GLDC: variants seen among roughly 807,000 people sequenced by gnomAD.
GLDC encodes glycine dehydrogenase (decarboxylating), mitochondrial.
Under a neutral mutation model 121.3 loss-of-function variants are expected in GLDC, and 104 were observed. That is an observed-to-expected ratio of 0.86 (90% confidence interval 0.73 to 1.01). The LOEUF is 1.01. Among genes scored for constraint, GLDC ranks in the 50% least tolerant of loss-of-function variants. GLDC has a pLI of 0.00. For synonymous variants in GLDC, 546 were observed against 480.6 expected, an observed-to-expected ratio of 1.14 and a Z score of -1.78; for missense variants, 1,429 against 1,306.6, an observed-to-expected ratio of 1.09 and a Z score of -1.44.
Position 6,555,264 on chromosome 9 carries a change from T to C in GLDC, c.2203-483A>G, listed in dbSNP as rs374451230. 9.2e-5 allele frequency among the ~76,000 whole-genome samples: 14 copies of C among 152,260 alleles called. No individual in the cohort carries two copies. The East Asian group carries it at 2.7e-3, about 29-fold the overall frequency. On this transcript the variant is annotated intron_variant, in intron 18 of 24. Coordinates refer to ENST00000321612, the MANE Select transcript of GLDC (RefSeq NM_000170.3). ...GGGGGCACCAGGGAGGAGGCTGAACTGAGAGAGGGAAGGCAAGGCTCGCAG... is the reference window on the plus strand; with the variant it reads ...GGGGGCACCAGGGAGGAGGCTGAACCGAGAGAGGGAAGGCAAGGCTCGCAG...
intron 2 of GLDC, chr9:6,639,610 A>T: frequency 1.4e-6 from 1 of 710,656 alleles, no homozygotes; most frequent in Admixed American, 1.8e-5. Context: ...GGGATCATCT[A>T]AACTGAGTCC....
At chr9:6,536,790 TAAC>T (rs1160858753) in intron 22 of GLDC, among the ~76,000 whole-genome samples, 1 of 152,170 alleles carries the variant, frequency 6.6e-6, no homozygotes, top group African/African-American at 2.4e-5. Flanking sequence ...AATAATGAGA[TAAC>T]AAGTGTTAAA....
At chr9:6,594,985 C>G in intron 9 of GLDC, 29 bp downstream of exon 9, 1 of 1,294,752 alleles carries the variant, frequency 7.7e-7, no homozygotes, top group African/African-American at 1.5e-5. Flanking sequence ...TTATTATGCC[C>G]AAATGTTTTA....
intron 9 of GLDC, 56 bp from the exon 10 acceptor site, chr9:6,593,046 T>G: frequency 6.4e-7 from 1 of 1,572,474 alleles, no homozygotes; most frequent in South Asian, 1.1e-5. Flanking sequence ...TCCTCAGCCA[T>G]TGACATGTCA....
chr9:6,573,625 G>GT (rs1157594131), intron 15 of GLDC, among the ~76,000 whole-genome samples: 1 of 152,068 alleles, frequency 6.6e-6, no homozygotes, highest in Non-Finnish European at 1.5e-5. Flanking sequence ...CTTGTGATAC[G>GT]TAAGGGTTTG....
At chr9:6,546,269 T>C (rs983214592) in intron 21 of GLDC, among the ~76,000 whole-genome samples, 1 of 151,946 alleles carries the variant, frequency 6.6e-6, no homozygotes, top group Non-Finnish European at 1.5e-5. Context: ...TACAACTCAC[T>C]GCAGCCTCAA....
Position 6,592,215 on chromosome 9 carries a change from A to T in GLDC, c.1410T>A (p.Ile470=). 5.0e-6 allele frequency: 8 copies of T among 1,596,436 alleles called. No homozygotes were observed. Among genetic ancestry groups the T allele is most frequent in the Non-Finnish European group, 6.9e-6 (8 of 1,164,250 alleles). The change falls in exon 11 of 25, where the codon ATT becomes ATA. Residue 470 remains isoleucine, a synonymous_variant. Coordinates refer to ENST00000321612, the MANE Select transcript of GLDC (RefSeq NM_000170.3). ...TTTCATTGACTGTTTCATCAAGAGA[A>T]ATACCAAGCTACAGAAACACAAACA... ...FRLFEDGTLG[I]SLDETVNEKD...
intron 2 of GLDC, among the ~76,000 whole-genome samples, chr9:6,635,147 T>C (rs530467489): frequency 1.3e-5 from 2 of 152,228 alleles, no homozygotes; most frequent in South Asian, 2.1e-4. Context: ...AACTATTCAA[T>C]ATCTATTTCC....
Position 6,605,297 on chromosome 9 carries a change from A to G in GLDC, c.714-19T>C, listed in dbSNP as rs1387477311. 1.9e-6 allele frequency: 3 copies of G among 1,612,834 alleles called. No individual in the cohort carries two copies. In the African/African-American group the frequency reaches 4.0e-5, roughly 22 times the overall value. On this transcript the variant is annotated intron_variant, in intron 5 of 24. Transcript: ENST00000321612. Reference sequence around the variant, plus strand: ...AGTATATCTGGAAAGACAGACAACAAAGAACAATCGTGCTTTCGGTTTATA... The same window carrying G: ...AGTATATCTGGAAAGACAGACAACAGAGAACAATCGTGCTTTCGGTTTATA...
At chr9:6,630,536 C>CA (rs1296248712) in intron 2 of GLDC, among the ~76,000 whole-genome samples, 1 of 152,148 alleles carries the variant, frequency 6.6e-6, no homozygotes, top group African/African-American at 2.4e-5. Context: ...AAAACCAACA[C>CA]ACTCATATTT....
chr9:6,596,789 G>A (rs1386744149), intron 8 of GLDC, among the ~76,000 whole-genome samples: 2 of 152,176 alleles, frequency 1.3e-5, no homozygotes, highest in Non-Finnish European at 2.9e-5. Flanking sequence ...TATGCTGCTG[G>A]TAGGAAAGTA....
chr9:6,592,743 G>T, intron 10 of GLDC, 108 bp downstream of exon 10: 1 of 1,029,738 alleles, frequency 9.7e-7, no homozygotes, highest in Non-Finnish European at 1.5e-6. Context: ...AAATAGGACT[G>T]TGCCTAAAGT....
chr9:6,634,293 G>C (rs1342217091), intron 2 of GLDC, among the ~76,000 whole-genome samples: 1 of 151,972 alleles, frequency 6.6e-6, no homozygotes, highest in East Asian at 1.9e-4. Context: ...ACTTTGAGAG[G>C]CCAAGGCAGG....
chr9:6,629,163 C>T (rs1176414756), intron 2 of GLDC, among the ~76,000 whole-genome samples: 1 of 151,904 alleles, frequency 6.6e-6, no homozygotes, highest in Non-Finnish European at 1.5e-5. Context: ...TTGCACTAAC[C>T]ACTGCATCAA....
At chr9:6,560,621 A>G (rs978411261) in intron 16 of GLDC, among the ~76,000 whole-genome samples, 4 of 152,226 alleles carry the variant, frequency 2.6e-5, no homozygotes, top group African/African-American at 9.6e-5. Context: ...ATTGATAAGA[A>G]GGAGAAAGGG....
intron 3 of GLDC, among the ~76,000 whole-genome samples, chr9:6,611,406 A>G (rs1283865905): frequency 6.6e-6 from 1 of 152,120 alleles, no homozygotes; most frequent in Non-Finnish European, 1.5e-5. Flanking sequence ...AATACAAACA[A>G]TTAGCCAGGC....
chr9:6,643,012 A>G (rs1396451255), intron 2 of GLDC, among the ~76,000 whole-genome samples: 1 of 151,886 alleles, frequency 6.6e-6, no homozygotes, highest in Admixed American at 6.6e-5. Context: ...TTTCTGCCAC[A>G]TTAGCCTCCG....
intron 2 of GLDC, among the ~76,000 whole-genome samples, chr9:6,626,195 G>C (rs1278912082): frequency 6.6e-6 from 1 of 151,754 alleles, no homozygotes; most frequent in Non-Finnish European, 1.5e-5. Context: ...GATAGGAAAG[G>C]TAGGGTTAAA....
chr9:6,618,370 C>G (rs143145415), intron 3 of GLDC, among the ~76,000 whole-genome samples: 1 of 152,116 alleles, frequency 6.6e-6, no homozygotes, highest in African/African-American at 2.4e-5. Flanking sequence ...TGCAATGCTG[C>G]GATCTTGGCT....
Sources: gnomAD v4.1 joint callset for allele counts (sites outside exome capture counted in the v4.1 genomes callset) on GRCh38, gnomAD v4.1.1 for gene constraint, MANE v1.5 for transcripts, NCBI Gene and HGNC (gene_info 2026-07-23, HGNC 2026-07-21) for gene names.